Variants in THBS1 observed in about 807,000 individuals in gnomAD.
THBS1 encodes the protein thrombospondin-1.
THBS1 carries 29 observed loss-of-function variants against 126.1 expected under a neutral mutation model. The ratio of observed to expected loss-of-function variants is 0.23; its 90% CI spans 0.17 to 0.31. The LOEUF (loss-of-function observed/expected upper bound fraction) is 0.31, where lower values mean the gene tolerates loss of function less well. THBS1 is among the 10% of genes least tolerant of loss of function. THBS1 has a pLI of 1.00. For synonymous variants in THBS1, 496 were observed against 577.8 expected (o/e 0.86, Z 2.03); for missense variants, 1,198 against 1,545.2 (o/e 0.78, Z 3.77).
rs116555716 is a variant in THBS1 at position 39,582,375 on chromosome 15, G to A, written c.250G>A (p.Ala84Thr). The A allele has an allele frequency of 4.2e-4, 676 of 1,614,180 alleles. 3 individuals are homozygous for A. The African/African-American group carries it at 8.2e-3, about 20-fold the overall frequency. Reference sequence around the variant, plus strand: ...CCAAGACCTGGTGGATGCTGTGCGGGCAGAAAAGGGTTTCCTCCTTCTGGC... The same window carrying A: ...CCAAGACCTGGTGGATGCTGTGCGGACAGAAAAGGGTTTCCTCCTTCTGGC... ...KFQDLVDAVR[A>T]EKGFLLLASL... The change falls in exon 3 of 22, where the codon GCA becomes ACA. Residue 84 changes from alanine (A) to threonine (T), a missense_variant. This residue lies in a region of THBS1 where 271 missense variants were observed against 277.0 expected (regional missense o/e 0.98). Transcript: ENST00000260356.
Position 39,582,630 on chromosome 15 carries a change from A to G in THBS1, c.505A>G (p.Ile169Val), listed in dbSNP as rs1453678221. ...FVQEDRAQLY[I>V]DCEKMENAEL... ...GCAGGAAGACAGGGCCCAGCTGTAC[A>G]TCGACTGTGAAAAGATGGAGAATGC... The change falls in exon 3 of 22, where the codon ATC (isoleucine) becomes GTC (valine). Residue 169 changes from isoleucine to valine, a missense_variant. Around this residue, in one of 4 missense-constraint regions of THBS1, gnomAD observed 271 missense variants for 277.0 expected, o/e 0.98. Coordinates refer to ENST00000260356, the MANE Select transcript of THBS1 (RefSeq NM_003246.4). The G allele has an allele frequency of 1.4e-5, 22 of 1,613,944 alleles. No homozygotes were observed. Among genetic ancestry groups the G allele is most frequent in the South Asian group, 2.2e-5 (2 of 91,088 alleles).
Position 39,584,334 on chromosome 15 carries a change from G to A in THBS1, c.938G>A (p.Arg313Lys). ...AACAAAGAGTTGGCCAATGAGCTGA[G>A]GCGGCCTCCCCTATGCTATCACAAC... ...EENKELANEL[R>K]RPPLCYHNGV... Residue 313 changes from arginine to lysine, a missense_variant, in exon 6 of 22, where the codon AGG becomes AAG. Around this residue, in one of 4 missense-constraint regions of THBS1, gnomAD observed 663 missense variants for 860.1 expected, o/e 0.77. Coordinates refer to ENST00000260356, the MANE Select transcript of THBS1 (RefSeq NM_003246.4). The A allele has an allele frequency of 1.2e-6, 2 of 1,614,222 alleles. No homozygotes were observed. Among genetic ancestry groups the A allele is most frequent in the Non-Finnish European group, 1.7e-6 (2 of 1,180,032 alleles).
rs1403625902 is a variant in THBS1, at chr15:39,598,099, G to A, written c.*2730G>A. 1 of 152,218 alleles carries A rather than the reference G, an allele frequency of 6.6e-6. No homozygotes were observed. The highest frequency in any genetic ancestry group is 2.4e-5 in the African/African-American group (1 of 41,450). The allele number at this position is 152,218 out of a possible 1,614,324, so 9.4% of individuals were successfully genotyped here. A position where few individuals can be genotyped will look rare whatever the true frequency, so the allele number is the denominator to read the frequency against. On this transcript the variant is annotated 3_prime_UTR_variant, in exon 22 of 22. Coordinates refer to ENST00000260356, the MANE Select transcript of THBS1 (RefSeq NM_003246.4). The stretch of plus-strand genomic sequence containing the variant: ...TATCATGTGAAGAAAAGGCCCAAGT[G>A]TACCAATAAGCAGACCTTGATTTTT...
Position 39,595,366 on chromosome 15 carries a change from C to A in THBS1, c.3510C>A (p.Pro1170=), listed in dbSNP as rs754517767. ...FSDLKYECRD[P] ...TTATATTTGTTTATTTAACAGATCC[C>A]TAATCATCAAATTGTTGATTGAAAG... Residue 1170 remains proline (P), a synonymous_variant, in exon 22 of 22, where the codon CCC becomes CCA. Coordinates refer to ENST00000260356, the MANE Select transcript of THBS1 (RefSeq NM_003246.4). 6.7e-7 allele frequency: 1 copy of A among 1,483,986 alleles called. No homozygotes were observed. Among genetic ancestry groups the A allele is most frequent in the Non-Finnish European group, 9.0e-7 (1 of 1,111,896 alleles). The allele number at this position is 1,483,986 out of a possible 1,614,324, so 91.9% of individuals were successfully genotyped here. A position where few individuals can be genotyped will look rare whatever the true frequency, so the allele number is the denominator to read the frequency against.
chr15:39,586,696 A>G (rs1890214024), intron 7 of THBS1: 1 of 152,254 alleles, frequency 6.6e-6, no homozygotes, highest in Non-Finnish European at 1.5e-5. Flanking sequence ...CCTGACAGAA[A>G]TGACTCCTAT....
Position 39,592,622 on chromosome 15 carries a change from G to A in THBS1, c.2587G>A (p.Asp863Asn), listed in dbSNP as rs1323013562. Residue 863 changes from aspartate to asparagine, a missense_variant, in exon 17 of 22, where the codon GAT (aspartate) becomes AAT (asparagine). Physicochemically the swap from Asp to Asn is conservative, Grantham distance 23. This residue lies in a region of THBS1 where 9 missense variants were observed against 34.2 expected (regional missense o/e 0.26). Transcript: ENST00000260356. The surrounding 1 kb of genome is among the most constrained non-coding windows in gnomAD (Gnocchi z 4.3). ...GDTCDNNQDI[D>N]EDGHQNNLDN... ...TACCTGTGACAACAATCAGGATATT[G>A]ATGAAGATGGCCACCAGAACAATCT... The A allele has an allele frequency of 6.2e-7, 1 of 1,613,974 alleles. No homozygotes were observed. The highest frequency in any genetic ancestry group is 1.3e-5 in the African/African-American group (1 of 74,934).
chr15:39,585,524 G>A lies in THBS1; in HGVS notation c.1081G>A (p.Ala361Thr), dbSNP rs1185216166. 1 of 1,614,136 alleles carries A rather than the reference G, an allele frequency of 6.2e-7. No homozygotes were observed. The highest frequency in any genetic ancestry group is 8.5e-7 in the Non-Finnish European group (1 of 1,180,026). The change falls in exon 7 of 22, where the codon GCC becomes ACC. Residue 361 changes from alanine (A) to threonine (T), a missense_variant. Physicochemically the swap from Ala to Thr is moderately conservative, Grantham distance 58. Coordinates refer to ENST00000260356, the MANE Select transcript of THBS1 (RefSeq NM_003246.4). The part of the protein sequence containing the change: ...VSCPIMPCSN[A>T]TVPDGECCPR... ...CTGCCCCATCATGCCCTGCTCCAAT[G>A]CCACAGTTCCTGATGGAGAATGCTG...
chr15:39,587,460 C>G lies in THBS1; in HGVS notation c.1234C>G (p.Arg412Gly). Residue 412 changes from arginine to glycine, a missense_variant, in exon 8 of 22, where the codon CGA becomes GGA. Arg to Gly is a moderately radical substitution (Grantham distance 125, BLOSUM62 -2). This residue lies in a region of THBS1 where 663 missense variants were observed against 860.1 expected (regional missense o/e 0.77). Coordinates refer to ENST00000260356, the MANE Select transcript of THBS1 (RefSeq NM_003246.4). Reference sequence around the variant, plus strand: ...CCGCTCCTGCGATAGCCTCAACAACCGATGTGAGGGCTCCTCGGTCCAGAC... The same window carrying G: ...CCGCTCCTGCGATAGCCTCAACAACGGATGTGAGGGCTCCTCGGTCCAGAC... ...RGRSCDSLNN[R>G]CEGSSVQTRT... The G allele has an allele frequency of 6.2e-7, 1 of 1,613,810 alleles. No homozygotes were observed. Among genetic ancestry groups the G allele is most frequent in the Non-Finnish European group, 8.5e-7 (1 of 1,179,992 alleles).
chr15:39,582,273 A>G lies in THBS1; in HGVS notation c.148A>G (p.Lys50Glu). The G allele has an allele frequency of 6.2e-7, 1 of 1,614,058 alleles. No individual in the cohort carries two copies. The highest frequency in any genetic ancestry group is 8.5e-7 in the Non-Finnish European group (1 of 1,179,986). ...CAAGGGGTCTGGGCGCCGACTGGTG[A>G]AGGGCCCCGACCCTTCCAGCCCAGC... ...ARKGSGRRLV[K>E]GPDPSSPAFR... Residue 50 changes from lysine (K) to glutamate (E), a missense_variant, in exon 3 of 22, where the codon AAG becomes GAG. By Grantham distance (56) the Lys-to-Glu change is moderately conservative. Around this residue, in one of 4 missense-constraint regions of THBS1, gnomAD observed 271 missense variants for 277.0 expected, o/e 0.98. Coordinates refer to ENST00000260356, the MANE Select transcript of THBS1 (RefSeq NM_003246.4).
chr15:39,591,514 A>G lies in THBS1; in HGVS notation c.2423A>G (p.Asn808Ser), dbSNP rs937544838. Residue 808 changes from asparagine to serine, a missense_variant, in exon 16 of 22, where the codon AAT becomes AGT. This residue lies in a region of THBS1 where 663 missense variants were observed against 860.1 expected (regional missense o/e 0.77). Coordinates refer to ENST00000260356, the MANE Select transcript of THBS1 (RefSeq NM_003246.4). ...CCCTTGTTCTCTTCAGGTATCCTCA[A>G]TGAACGGGACAACTGCCAGTACGTC... Reference protein sequence around the residue: ...AADIDGDGILNERDNCQYVYN... With the variant: ...AADIDGDGILSERDNCQYVYN... The G allele has an allele frequency of 5.6e-6, 9 of 1,614,076 alleles. No homozygotes were observed. Among genetic ancestry groups the G allele is most frequent in the African/African-American group, 4.0e-5 (3 of 74,932 alleles).
At position 39,589,303 on chromosome 15, in the gene THBS1, C is replaced by T. The variant is rs767614194; in HGVS notation, c.1875C>T (p.Thr625=). The change falls in exon 12 of 22, where the codon ACC becomes ACT. Residue 625 remains threonine, a synonymous_variant. Transcript: ENST00000260356. The surrounding 1 kb of genome is among the most constrained non-coding windows in gnomAD (Gnocchi z 4.7). ...GCCTGCCCTGCCCCCCACGCTTCAC[C>T]GGCTCACAGCCCTTCGGCCAGGGTG... ...YNCLPCPPRF[T]GSQPFGQGVE... The T allele has an allele frequency of 2.0e-5, 32 of 1,613,988 alleles. No homozygotes were observed. The highest frequency in any genetic ancestry group is 2.5e-5 in the Non-Finnish European group (30 of 1,180,032).
chr15:39,582,503 C>A lies in THBS1; in HGVS notation c.378C>A (p.Gly126=), dbSNP rs1258508048. 1 of 1,614,152 alleles carries A rather than the reference C, an allele frequency of 6.2e-7. No homozygotes were observed. The highest frequency in any genetic ancestry group is 1.7e-5 in the Admixed American group (1 of 60,030). The part of the protein sequence containing the change: ...VFSVVSNGKA[G]TLDLSLTVQG... ...GCGTGGTGTCCAATGGCAAGGCGGG[C>A]ACCCTGGACCTCAGCCTGACCGTCC... is the stretch of plus-strand genomic sequence containing the variant. The change falls in exon 3 of 22, where the codon GGC becomes GGA. Residue 126 remains glycine (G), a synonymous_variant. Transcript: ENST00000260356.
Position 39,587,417 on chromosome 15 carries a change from T to C in THBS1, c.1191T>C (p.Asn397=), listed in dbSNP as rs144324745. 31 of 1,613,826 alleles carry C rather than the reference T, an allele frequency of 1.9e-5. No homozygotes were observed. Among genetic ancestry groups the C allele is most frequent in the Non-Finnish European group, 3.4e-6 (4 of 1,180,022 alleles). Residue 397 remains asparagine (N), a synonymous_variant, in exon 8 of 22, where the codon AAT becomes AAC. Transcript: ENST00000260356. ...EWTSCSTSCG[N]GIQQRGRSCD... ...CCTCCTGTTCTACGAGCTGTGGCAA[T>C]GGAATTCAGCAGCGCGGCCGCTCCT...
Position 39,593,919 on chromosome 15 carries a change from T to G in THBS1, c.3268-180T>G. ...AAAACCTCCTTCCCTCCTCTCTGTC[T>G]GCTTTATATGTGTGCTCAGTGGCAC... On this transcript the variant is annotated intron_variant, in intron 19 of 21. Transcript: ENST00000260356. This position sits in a 1 kb window ranked among gnomAD's most constrained non-coding sequence, Gnocchi z 5.9. 1.2e-6 allele frequency: 1 copy of G among 867,592 alleles called. No homozygotes were observed. Among genetic ancestry groups the G allele is most frequent in the South Asian group, 1.9e-5 (1 of 53,912 alleles). The allele number at this position is 867,592 out of a possible 1,614,324, so 53.7% of individuals were successfully genotyped here.
In THBS1 at chr15:39,584,354, C is replaced by T; in HGVS notation, c.958C>T (p.His320Tyr). ...NELRRPPLCYHNGVQYRNNEE... is the reference protein window; with the variant it reads ...NELRRPPLCYYNGVQYRNNEE... Reference sequence around the variant, plus strand: ...GCTGAGGCGGCCTCCCCTATGCTATCACAACGGAGTTCAGTACAGAAATAA... The same window carrying T: ...GCTGAGGCGGCCTCCCCTATGCTATTACAACGGAGTTCAGTACAGAAATAA... The change falls in exon 6 of 22, where the codon CAC (histidine) becomes TAC (tyrosine). Residue 320 changes from histidine to tyrosine, a missense_variant. Physicochemically the swap from His to Tyr is moderately conservative, Grantham distance 83. Coordinates refer to ENST00000260356, the MANE Select transcript of THBS1 (RefSeq NM_003246.4). The T allele has an allele frequency of 5.0e-6, 8 of 1,614,222 alleles. No individual in the cohort carries two copies. Among genetic ancestry groups the T allele is most frequent in the Non-Finnish European group, 6.8e-6 (8 of 1,180,042 alleles).
In THBS1 at chr15:39,594,074, A is replaced by G; in HGVS notation, c.3268-25A>G. On this transcript the variant is annotated intron_variant, in intron 19 of 21. Coordinates refer to ENST00000260356, the MANE Select transcript of THBS1 (RefSeq NM_003246.4). The surrounding 1 kb of genome is among the most constrained non-coding windows in gnomAD (Gnocchi z 4.4). Reference sequence around the variant, plus strand: ...CTTTACCTGAAGGAGCTGTGTTTCAACCTTTCCTTTTCCTTTTCCTTCAGG... The same window carrying G: ...CTTTACCTGAAGGAGCTGTGTTTCAGCCTTTCCTTTTCCTTTTCCTTCAGG... 1.2e-6 allele frequency: 2 copies of G among 1,602,930 alleles called. No homozygotes were observed. The highest frequency in any genetic ancestry group is 1.7e-6 in the Non-Finnish European group (2 of 1,173,384).
rs144414575 is a variant in THBS1 at position 39,585,643 on chromosome 15, TG to T, written c.1120+82del. ...CATCCTAGACAGCCGAGCACAACAC[TG>T]GAACCCCACCCCCATCTCCATCATG... is the stretch of plus-strand genomic sequence containing the variant. On this transcript the variant is annotated intron_variant, in intron 7 of 21. Transcript: ENST00000260356. 7.7e-4 allele frequency: 1,012 copies of T among 1,311,590 alleles called. 3 individuals are homozygous for T. In the African/African-American group the frequency reaches 0.013, roughly 17 times the overall value. 81.2% of individuals were successfully genotyped at this position (1,311,590 alleles called of 1,614,324 possible).
chr15:39,593,258 C>T lies in THBS1; in HGVS notation c.2995+31C>T. ...TAGCGAGTTCTTAGATCCTAAGAGACTGATGCATACATGGGGAAAAACAAA... is the reference window on the plus strand; with the variant it reads ...TAGCGAGTTCTTAGATCCTAAGAGATTGATGCATACATGGGGAAAAACAAA... On this transcript the variant is annotated intron_variant, in intron 18 of 21. Coordinates refer to ENST00000260356, the MANE Select transcript of THBS1 (RefSeq NM_003246.4). The surrounding 1 kb of genome is among the most constrained non-coding windows in gnomAD (Gnocchi z 5.9). 6.2e-7 allele frequency: 1 copy of T among 1,608,854 alleles called. No individual in the cohort carries two copies. The highest frequency in any genetic ancestry group is 8.5e-7 in the Non-Finnish European group (1 of 1,175,334).
intron 9 of THBS1, 49 bp from the exon 10 acceptor site, chr15:39,588,477 G>A: frequency 6.6e-7 from 1 of 1,517,770 alleles, no homozygotes; most frequent in South Asian, 1.3e-5. Flanking sequence ...GACAAGGGAG[G>A]GATTTGAAAG....
Sources: allele counts gnomAD v4.1 joint callset, GRCh38; gene constraint gnomAD v4.1.1; regional missense constraint gnomAD v4.1.1; non-coding constraint Gnocchi (gnomAD v3.1); transcripts MANE v1.5; gene names NCBI Gene and HGNC (gene_info 2026-07-23, HGNC 2026-07-21).